Variants in SLC30A7 observed in about 807,000 individuals in gnomAD.
SLC30A7 encodes the protein zinc transporter 7.
SLC30A7 carries 35 observed loss-of-function variants against 46.0 expected under a neutral mutation model. That is an observed-to-expected ratio of 0.76 (90% CI 0.58 to 1.01). SLC30A7 has a LOEUF of 1.01. Ranked by LOEUF, SLC30A7 falls within the 50% of genes least tolerant of loss-of-function variation. SLC30A7 has a pLI of 0.00. For synonymous variants in SLC30A7, 147 were observed against 157.8 expected (o/e 0.93, Z 0.51); for missense variants, 464 against 451.1 (o/e 1.03, Z -0.26).
chr1:100,971,660 C>T (rs1026694307), intron 10 of SLC30A7, among the ~76,000 whole-genome samples: 18 of 152,036 alleles, frequency 1.2e-4, no homozygotes, highest in African/African-American at 4.3e-4. Context: ...CCTCAAAAGA[C>T]AATTTACAGA....
intron 4 of SLC30A7, among the ~76,000 whole-genome samples, chr1:100,911,626 C>T (rs1652101435): frequency 6.6e-6 from 1 of 152,208 alleles, no homozygotes; most frequent in Non-Finnish European, 1.5e-5. Context: ...TCTCGGCTTA[C>T]TGCAACTTGC....
chr1:100,912,709 C>T (rs1330636729), intron 5 of SLC30A7, among the ~76,000 whole-genome samples: 1 of 150,196 alleles, frequency 6.7e-6, no homozygotes, highest in Non-Finnish European at 1.5e-5. Context: ...AGTGAGACTC[C>T]ATCTCAAAAA....
intron 3 of SLC30A7, among the ~76,000 whole-genome samples, chr1:100,910,651 G>T (rs1652022471): frequency 6.6e-6 from 1 of 152,066 alleles, no homozygotes; most frequent in South Asian, 2.1e-4. Context: ...CTTAGAAAAA[G>T]AGAAATTAAT....
chr1:100,906,748 A>T, intron 2 of SLC30A7, 104 bp from the exon 3 acceptor site: 1 of 731,856 alleles, frequency 1.4e-6, no homozygotes, highest in Non-Finnish European at 2.4e-6. Flanking sequence ...GTTGTTTTAG[A>T]TGGTTAATTC....
the SLC30A7 span, among the ~76,000 whole-genome samples, chr1:100,991,281 C>CTTT: frequency 6.6e-6 from 1 of 152,178 alleles, no homozygotes; most frequent in Non-Finnish European, 1.5e-5. Flanking sequence ...GGTGCTACAG[C>CTTT]TAAAGAGCTG....
At chr1:100,990,322 A>G in the SLC30A7 span, 2 of 1,252,640 alleles carry the variant, frequency 1.6e-6, no homozygotes, top group African/African-American at 3.0e-5. Flanking sequence ...TTAAAATTCA[A>G]GATGAGACTT....
In SLC30A7 at chr1:100,939,681, A is replaced by G. The variant is rs1335826517; in HGVS notation, c.842+17840A>G. On this transcript the variant is annotated intron_variant, in intron 8 of 10. Coordinates refer to ENST00000357650, the MANE Select transcript of SLC30A7 (RefSeq NM_133496.5). ...GAAACCCTGTCTCTACTTAAAAAAA[A>G]AAAAAAAAATACAAAAAATTAGCTG... Among the ~76,000 whole-genome samples, 4 of 151,472 alleles carry G rather than the reference A, an allele frequency of 2.6e-5. No individual in the cohort carries two copies. The East Asian group carries it at 7.7e-4, about 29-fold the overall frequency.
At chr1:100,982,715 A>G (rs1305200403), downstream of SLC30A7, among the ~76,000 whole-genome samples, 1 of 152,004 alleles carries the variant, frequency 6.6e-6, no homozygotes, top group Admixed American at 6.6e-5. Flanking sequence ...CACCCAAACA[A>G]TTTTGGCTTT....
intron 8 of SLC30A7, 87 bp downstream of exon 8, chr1:100,921,928 T>C: frequency 8.1e-7 from 1 of 1,237,244 alleles, no homozygotes; most frequent in Non-Finnish European, 1.1e-6. Flanking sequence ...TACAAATAAT[T>C]ATGTTGGTTT....
At chr1:100,897,278 T>C (rs1651031375) in intron 2 of SLC30A7, among the ~76,000 whole-genome samples, 1 of 152,020 alleles carries the variant, frequency 6.6e-6, no homozygotes, top group South Asian at 2.1e-4. Context: ...CCTTTGAGGG[T>C]TTTTGTTTTT....
At chr1:100,969,331 C>T (rs760450709) in intron 10 of SLC30A7, among the ~76,000 whole-genome samples, 1 of 152,096 alleles carries the variant, frequency 6.6e-6, no homozygotes, top group Non-Finnish European at 1.5e-5. Context: ...ATTATTTTTC[C>T]CTCCTTTACC....
chr1:100,956,985 T>C (rs1256112286), intron 8 of SLC30A7, among the ~76,000 whole-genome samples: 1 of 152,260 alleles, frequency 6.6e-6, no homozygotes, highest in Non-Finnish European at 1.5e-5. Flanking sequence ...AATAAAGTTA[T>C]GAATTTCTCT....
At chr1:100,931,046 G>C (rs1653634093) in intron 8 of SLC30A7, among the ~76,000 whole-genome samples, 2 of 152,086 alleles carry the variant, frequency 1.3e-5, no homozygotes, top group African/African-American at 4.8e-5. Flanking sequence ...GTGTTCATTG[G>C]TTCAGATGAG....
In SLC30A7 at chr1:100,921,810, T is replaced by G. The variant is rs756571819; in HGVS notation, c.811T>G (p.Ser271Ala). Residue 271 changes from serine to alanine, a missense_variant, in exon 8 of 11, where the codon TCA becomes GCA. Physicochemically the swap from Ser to Ala is moderately conservative, Grantham distance 99. Transcript: ENST00000357650. ...FGLMIADPIC[S>A]ILIAILIVVS... The stretch of plus-strand genomic sequence containing the variant: ...TCTGATGATAGCAGATCCTATCTGT[T>G]CAATTCTTATAGCCATTCTTATAGT... 1 of 1,613,256 alleles carries G rather than the reference T, an allele frequency of 6.2e-7. No homozygotes were observed. Among genetic ancestry groups the G allele is most frequent in the Non-Finnish European group, 8.5e-7 (1 of 1,179,724 alleles).
intron 8 of SLC30A7, among the ~76,000 whole-genome samples, chr1:100,933,280 A>AT (rs1414771213): frequency 6.6e-6 from 1 of 151,300 alleles, no homozygotes; most frequent in Admixed American, 6.6e-5. Flanking sequence ...GGCCACCACA[A>AT]TTTTTTTTAG....
At chr1:100,949,170 T>A (rs1654817763) in intron 8 of SLC30A7, among the ~76,000 whole-genome samples, 2 of 152,168 alleles carry the variant, frequency 1.3e-5, no homozygotes, top group African/African-American at 2.4e-5. Flanking sequence ...TTATCTACCT[T>A]TGGTCTATGA....
intron 9 of SLC30A7, among the ~76,000 whole-genome samples, chr1:100,964,317 T>TTATATACATGTATGTATATATGTTA (rs1282733518): frequency 3.7e-5 from 5 of 134,302 alleles, no homozygotes; most frequent in Admixed American, 7.4e-5. Flanking sequence ...CCTATATATG[T>TTATATACATGTATGTATATATGTTA]TATATACATG....
rs763450037 is a variant in SLC30A7 at position 100,896,559 on chromosome 1, A to G, written c.81-11A>G. The G allele has an allele frequency of 9.9e-6, 16 of 1,612,004 alleles. No homozygotes were observed. The highest frequency in any genetic ancestry group is 1.1e-5 in the South Asian group (1 of 90,954). On this transcript the variant is annotated splice_polypyrimidine_tract_variant and intron_variant, in intron 1 of 10. Coordinates refer to ENST00000357650, the MANE Select transcript of SLC30A7 (RefSeq NM_133496.5). ...ACTCTCCCGGCTCTTTTCCACGTGT[A>G]TCATTCCCAGGTCTATACTGTCCGA...
Position 100,912,166 on chromosome 1 carries a change from C to T in SLC30A7, c.439C>T (p.Leu147Phe). The T allele has an allele frequency of 1.2e-6, 2 of 1,613,866 alleles. No homozygotes were observed. The highest frequency in any genetic ancestry group is 1.7e-6 in the Non-Finnish European group (2 of 1,179,796). ...TGAGAGACTGCTTCTTGTTTCCATT[C>T]TTGGGTTTGTGGTAAACCTAATAGG... ...HHERLLLVSI[L>F]GFVVNLIGIF... The change falls in exon 5 of 11, where the codon CTT becomes TTT. Residue 147 changes from leucine to phenylalanine, a missense_variant. By Grantham distance (22) the Leu-to-Phe change is conservative (BLOSUM62 0). Coordinates refer to ENST00000357650, the MANE Select transcript of SLC30A7 (RefSeq NM_133496.5).
Sources: allele counts gnomAD v4.1 joint callset (sites outside exome capture counted in the v4.1 genomes callset), GRCh38; gene constraint gnomAD v4.1.1; transcripts MANE v1.5; gene names NCBI Gene and HGNC (gene_info 2026-07-23, HGNC 2026-07-21).